SMYD3: variants seen among roughly 807,000 people sequenced by gnomAD.
The protein encoded by SMYD3 is SET and MYND domain containing 3.
Under a neutral mutation model 57.7 loss-of-function variants are expected in SMYD3, and 36 were observed. That is an observed-to-expected ratio of 0.62 (90% CI 0.48 to 0.82). The LOEUF (loss-of-function observed/expected upper bound fraction) is 0.82. Ranked by LOEUF, SMYD3 falls within the 40% of genes least tolerant of loss-of-function variation. The pLI, the probability that SMYD3 is intolerant of heterozygous loss-of-function variation, is 0.00. For missense variants in SMYD3, 515 were observed against 538.8 expected, an observed-to-expected ratio of 0.96 and a Z score of 0.44; for synonymous variants, 211 against 195.0, an observed-to-expected ratio of 1.08 and a Z score of -0.68.
intron 5 of SMYD3, among the ~76,000 whole-genome samples, chr1:245,985,587 C>T (rs2058688614): frequency 6.6e-6 from 1 of 152,118 alleles, no homozygotes; most frequent in Non-Finnish European, 1.5e-5. Flanking sequence ...CTCAAATCTG[C>T]TCCCTTATTC....
intron 5 of SMYD3, among the ~76,000 whole-genome samples, chr1:246,150,721 G>C (rs906712179): frequency 6.6e-6 from 1 of 152,194 alleles, no homozygotes; most frequent in African/African-American, 2.4e-5. Context: ...AAGTCCAGGG[G>C]TTGGGGGGAC....
At chr1:246,404,471 G>T (rs559861692) in intron 1 of SMYD3, among the ~76,000 whole-genome samples, 1 of 152,314 alleles carries the variant, frequency 6.6e-6, no homozygotes, top group South Asian at 2.1e-4. Context: ...ATGGCCACGA[G>T]GCCTCCATAT....
chr1:246,135,847 G>T (rs913267367), intron 5 of SMYD3, among the ~76,000 whole-genome samples: 4 of 152,028 alleles, frequency 2.6e-5, no homozygotes, highest in Non-Finnish European at 4.4e-5. Flanking sequence ...ACTCTAATCT[G>T]GTCCATTACC....
chr1:245,814,677 G>A (rs563805765), intron 10 of SMYD3, among the ~76,000 whole-genome samples: 4 of 152,146 alleles, frequency 2.6e-5, no homozygotes, highest in African/African-American at 9.6e-5. Flanking sequence ...AGCTTGTGCC[G>A]GCTCTGCTAA....
intron 5 of SMYD3, among the ~76,000 whole-genome samples, chr1:246,182,423 C>G (rs2062567790): frequency 6.6e-6 from 1 of 152,144 alleles, no homozygotes; most frequent in East Asian, 1.9e-4. Flanking sequence ...AAGAATTATT[C>G]TAACCAATCT....
At chr1:246,501,543 A>C (rs1313300653) in intron 1 of SMYD3, among the ~76,000 whole-genome samples, 1 of 152,146 alleles carries the variant, frequency 6.6e-6, no homozygotes, top group Non-Finnish European at 1.5e-5. Flanking sequence ...CTCTGACCAC[A>C]TGAGGACCTC....
intron 5 of SMYD3, among the ~76,000 whole-genome samples, chr1:246,025,044 A>G (rs60085716): frequency 2.8e-3 from 333 of 119,946 alleles, no homozygotes; most frequent in Middle Eastern, 9.5e-3. Context: ...ATCTAGGAAG[A>G]GAGATACAGC....
intron 9 of SMYD3, among the ~76,000 whole-genome samples, chr1:245,860,888 C>T (rs1236327834): frequency 1.3e-5 from 2 of 152,176 alleles, no homozygotes; most frequent in African/African-American, 4.8e-5. Flanking sequence ...AAGACTTGTA[C>T]CTTATTTTAA....
intron 5 of SMYD3, among the ~76,000 whole-genome samples, chr1:245,979,021 C>G (rs898113155): frequency 6.6e-6 from 1 of 152,102 alleles, no homozygotes; most frequent in Non-Finnish European, 1.5e-5. Flanking sequence ...TCAGAGAGCC[C>G]TTTTATGGAA....
intron 5 of SMYD3, among the ~76,000 whole-genome samples, chr1:246,142,057 C>CT (rs1167337751): frequency 2.0e-5 from 3 of 152,238 alleles, no homozygotes; most frequent in Non-Finnish European, 2.9e-5. Context: ...ATACCACATT[C>CT]TTTTTTCTTT....
At chr1:246,213,617 C>T (rs1474563696) in intron 5 of SMYD3, among the ~76,000 whole-genome samples, 1 of 152,170 alleles carries the variant, frequency 6.6e-6, no homozygotes. Context: ...CCAACCTGCC[C>T]TGTCTACTGC....
At chr1:246,102,606 C>T (rs1558230187) in intron 5 of SMYD3, among the ~76,000 whole-genome samples, 1 of 152,026 alleles carries the variant, frequency 6.6e-6, no homozygotes, top group Non-Finnish European at 1.5e-5. Context: ...AGCACGTTCT[C>T]ATCTCCTAAC....
At position 246,107,143 on chromosome 1, in the gene SMYD3, CA is replaced by C. The variant is rs1558234238; in HGVS notation, c.532-177207del. 1.5e-5 allele frequency among the ~76,000 whole-genome samples: 2 copies of C among 137,694 alleles called. 1 individual carries two copies. The highest frequency in any genetic ancestry group is 5.7e-5 in the African/African-American group (2 of 35,242). 90.3% of individuals were successfully genotyped at this position (137,694 alleles called of 152,430 possible). ...TCTACTAAAAATACAAAAAATTAGC[CA>C]GGCGTGGTGGCAGGCGCCTGTAGTC... On this transcript the variant is annotated intron_variant, in intron 5 of 11. Transcript: ENST00000490107.
chr1:246,282,510 A>C (rs1296425348), intron 5 of SMYD3, among the ~76,000 whole-genome samples: 1 of 147,868 alleles, frequency 6.8e-6, no homozygotes, highest in East Asian at 2.0e-4. Flanking sequence ...TGTCTCAAAA[A>C]AATTAATAAT....
chr1:246,464,144 T>G lies in SMYD3; in HGVS notation c.164+42910A>C, dbSNP rs371868272. 5.3e-5 allele frequency among the ~76,000 whole-genome samples: 8 copies of G among 152,306 alleles called. No homozygotes were observed. In the South Asian group the frequency reaches 1.7e-3, roughly 32 times the overall value. ...CAAACGGAGAGGGTGCTCTTTGTTT[T>G]CTTTTTGAGGAAAGACAATATAGCA... On this transcript the variant is annotated intron_variant, in intron 1 of 11. Transcript: ENST00000490107.
intron 5 of SMYD3, among the ~76,000 whole-genome samples, chr1:246,313,264 T>C (rs942762989): frequency 2.2e-4 from 34 of 152,232 alleles, no homozygotes; most frequent in African/African-American, 7.9e-4. Context: ...ACCCACAGTA[T>C]AGTCACTTCT....
chr1:246,166,476 G>A (rs1182308682), intron 5 of SMYD3, among the ~76,000 whole-genome samples: 1 of 152,098 alleles, frequency 6.6e-6, no homozygotes, highest in African/African-American at 2.4e-5. Flanking sequence ...AGCTGTTGGC[G>A]TCACCAAAAT....
At chr1:246,229,855 G>C (rs560158692) in intron 5 of SMYD3, among the ~76,000 whole-genome samples, 5 of 151,080 alleles carry the variant, frequency 3.3e-5, no homozygotes, top group Admixed American at 6.6e-5. Context: ...ATCATAGCAC[G>C]TGCCTTTCAA....
At chr1:245,905,737 G>GTGGTTT (rs2054517767) in intron 8 of SMYD3, among the ~76,000 whole-genome samples, 1 of 152,194 alleles carries the variant, frequency 6.6e-6, no homozygotes, top group Non-Finnish European at 1.5e-5. Context: ...CAGCCAGGGA[G>GTGGTTT]TGGTTACAGC....
Sources: allele counts gnomAD v4.1 joint callset (sites outside exome capture counted in the v4.1 genomes callset), GRCh38; gene constraint gnomAD v4.1.1; transcripts MANE v1.5; gene names NCBI Gene and HGNC (gene_info 2026-07-23, HGNC 2026-07-21).